NAT10: variants seen among roughly 807,000 people sequenced by gnomAD.
NAT10 encodes RNA cytidine acetyltransferase.
Under a neutral mutation model 132.2 loss-of-function variants are expected in NAT10, and 109 were observed. The observed-to-expected ratio is 0.82, with a 90% CI of 0.71 to 0.97. The LOEUF (loss-of-function observed/expected upper bound fraction) is 0.97, where lower values mean the gene tolerates loss of function less well. Ranked by LOEUF, NAT10 falls within the 50% of genes least tolerant of loss-of-function variation. The probability of loss-of-function intolerance (pLI) is 0.00; values close to 1 mark genes in which losing one functional copy is unlikely to be tolerated. For missense variants in NAT10, 1,184 were observed against 1,263.4 expected, an observed-to-expected ratio of 0.94 and a Z score of 0.95; for synonymous variants, 479 against 478.0, an observed-to-expected ratio of 1.00 and a Z score of -0.03.
intron 15 of NAT10, 55 bp downstream of exon 15, chr11:34,132,276 G>A: frequency 2.0e-5 from 28 of 1,403,186 alleles, no homozygotes; most frequent in Non-Finnish European, 2.8e-5. Context: ...GCATTTGGCA[G>A]TCCCCTTTTA....
Position 34,119,142 on chromosome 11 carries a change from G to A in NAT10, c.780+639G>A, listed in dbSNP as rs116053512. 3.3e-3 allele frequency among the ~76,000 whole-genome samples: 500 copies of A among 152,354 alleles called. 7 individuals are homozygous for A. The highest frequency in any genetic ancestry group is 0.012 in the African/African-American group (479 of 41,576). ...CCTGGTCTTTGAGTGCAAATAGCAG[G>A]CTGGGTGAGAGCTTACAGGTTGCAT... On this transcript the variant is annotated intron_variant, in intron 8 of 28. Coordinates refer to ENST00000257829, the MANE Select transcript of NAT10 (RefSeq NM_024662.3).
At chr11:34,119,927 G>A (rs978992602) in intron 8 of NAT10, among the ~76,000 whole-genome samples, 34 of 152,284 alleles carry the variant, frequency 2.2e-4, no homozygotes, top group African/African-American at 7.5e-4. Flanking sequence ...AATGGGTGTT[G>A]TACCAGTTGA....
chr11:34,137,635 A>G (rs1852241744), intron 21 of NAT10, among the ~76,000 whole-genome samples: 1 of 152,184 alleles, frequency 6.6e-6, no homozygotes, highest in Non-Finnish European at 1.5e-5. Context: ...TCGCACTTAG[A>G]GTAGCAATTG....
At chr11:34,125,353 A>G (rs1851968335) in intron 11 of NAT10, among the ~76,000 whole-genome samples, 1 of 152,110 alleles carries the variant, frequency 6.6e-6, no homozygotes, top group South Asian at 2.1e-4. Flanking sequence ...GAAGGAAAAC[A>G]TTTCCCTGAA....
At chr11:34,127,059 G>C (rs567992675) in intron 11 of NAT10, among the ~76,000 whole-genome samples, 1 of 152,142 alleles carries the variant, frequency 6.6e-6, no homozygotes, top group Non-Finnish European at 1.5e-5. Context: ...GGGGGAAAAC[G>C]TGAGGAGACA....
chr11:34,126,638 C>G (rs542509975), intron 11 of NAT10, among the ~76,000 whole-genome samples: 28 of 152,340 alleles, frequency 1.8e-4, no homozygotes, highest in Admixed American at 1.8e-3. Context: ...AAGACCTCAT[C>G]AACTCTGGAT....
chr11:34,123,534 G>A (rs1342208000), intron 9 of NAT10, among the ~76,000 whole-genome samples: 1 of 152,192 alleles, frequency 6.6e-6, no homozygotes, highest in Non-Finnish European at 1.5e-5. Flanking sequence ...CACACCGAGG[G>A]CGTTGTCTCC....
chr11:34,143,339 TCATGACA>T (rs1158890055), intron 27 of NAT10, 99 bp from the exon 28 acceptor site: 5 of 994,286 alleles, frequency 5.0e-6, no homozygotes, highest in Non-Finnish European at 7.5e-6. Flanking sequence ...AGCCTGGCTT[TCATGACA>T]GGAAGTGTCT....
Position 34,141,196 on chromosome 11 carries a change from C to A in NAT10, c.2700C>A (p.Arg900=). 6.2e-7 allele frequency: 1 copy of A among 1,613,992 alleles called. No individual in the cohort carries two copies. Among genetic ancestry groups the A allele is most frequent in the South Asian group, 1.1e-5 (1 of 91,062 alleles). Reference sequence around the variant, plus strand: ...TGGGACTTTTCAACCGGATCATCCGCAAAGTTGTGAAGGTAACCTCAGCCT... The same window carrying A: ...TGGGACTTTTCAACCGGATCATCCGAAAAGTTGTGAAGGTAACCTCAGCCT... ...QLMGLFNRII[R]KVVKLFNEVQ... Residue 900 remains arginine (R), a synonymous_variant, in exon 25 of 29, where the codon CGC becomes CGA. Coordinates refer to ENST00000257829, the MANE Select transcript of NAT10 (RefSeq NM_024662.3).
chr11:34,122,333 G>A, intron 8 of NAT10, 126 bp from the exon 9 acceptor site: 2 of 1,228,434 alleles, frequency 1.6e-6, no homozygotes, highest in East Asian at 4.7e-5. Flanking sequence ...AGTGCTTTCT[G>A]GCCTGCAAGA....
chr11:34,128,362 C>CAAAAAAAAAAAA (rs914837839), intron 12 of NAT10, among the ~76,000 whole-genome samples: 2 of 67,232 alleles, frequency 3.0e-5, no homozygotes, highest in Non-Finnish European at 3.5e-5. Flanking sequence ...AAAAACAAAA[C>CAAAAAAAAAAAA]AAAAAAAAAA....
Position 34,132,129 on chromosome 11 carries a change from TATGTTAATAGAG to T in NAT10, c.1528_1539del (p.Val510_Asp513del), listed in dbSNP as rs770621209. 1 of 1,612,544 alleles carries T rather than the reference TATGTTAATAGAG, an allele frequency of 6.2e-7. No individual in the cohort carries two copies. Among genetic ancestry groups the T allele is most frequent in the Non-Finnish European group, 8.5e-7 (1 of 1,178,544 alleles). On this transcript the variant is annotated inframe_deletion, in exon 15 of 29. Coordinates refer to ENST00000257829, the MANE Select transcript of NAT10 (RefSeq NM_024662.3). ...GTTTCTTAACTCCAGACCCAGGTAC[TATGTTAATAGAG>T]ATACCCTCTTTTGCTACCACAAGGC...
chr11:34,107,765 C>T (rs1194124935), intron 1 of NAT10, among the ~76,000 whole-genome samples: 1 of 152,184 alleles, frequency 6.6e-6, no homozygotes, highest in Non-Finnish European at 1.5e-5. Flanking sequence ...GTCCCAGCTA[C>T]CTGGGAGGTT....
At chr11:34,114,110 T>C (rs1851745471) in intron 5 of NAT10, among the ~76,000 whole-genome samples, 1 of 152,222 alleles carries the variant, frequency 6.6e-6, no homozygotes, top group African/African-American at 2.4e-5. Context: ...ACAGCTTTTA[T>C]GTAGTTAAAT....
chr11:34,112,821 G>T (rs1851718622), intron 4 of NAT10, among the ~76,000 whole-genome samples: 1 of 152,190 alleles, frequency 6.6e-6, no homozygotes, highest in Non-Finnish European at 1.5e-5. Flanking sequence ...GTAAGCACTG[G>T]TGGTCTTTGT....
chr11:34,130,475 A>C (rs1852085109), intron 12 of NAT10, among the ~76,000 whole-genome samples: 1 of 152,148 alleles, frequency 6.6e-6, no homozygotes. Flanking sequence ...TCCTTTTTCC[A>C]GTCCTTATTT....
intron 17 of NAT10, 45 bp from the exon 18 acceptor site, chr11:34,134,467 A>C (rs1244126465): frequency 1.2e-6 from 2 of 1,613,728 alleles, no homozygotes; most frequent in Non-Finnish European, 1.7e-6. Context: ...GTGGTGTCCA[A>C]AGATGTCTGT....
chr11:34,130,208 A>G (rs1029891257), intron 12 of NAT10, among the ~76,000 whole-genome samples: 5 of 152,206 alleles, frequency 3.3e-5, no homozygotes, highest in Non-Finnish European at 7.4e-5. Context: ...ATGAAAGCTG[A>G]TTGAGTTATC....
chr11:34,146,117 A>G lies in NAT10; in HGVS notation c.3003A>G (p.Glu1001=). The G allele has an allele frequency of 1.2e-6, 2 of 1,609,828 alleles. No homozygotes were observed. The highest frequency in any genetic ancestry group is 1.7e-6 in the Non-Finnish European group (2 of 1,178,748). Residue 1001 remains glutamate (E), a synonymous_variant, in exon 29 of 29, where the codon GAA becomes GAG. Coordinates refer to ENST00000257829, the MANE Select transcript of NAT10 (RefSeq NM_024662.3). ...DKKRKLEAKQ[E]PKQSKKLKNR... ...AAAGGAAGTTAGAGGCCAAACAAGAACCCAAACAGAGCAAGAAGTTGAAGA... is the reference window on the plus strand; with the variant it reads ...AAAGGAAGTTAGAGGCCAAACAAGAGCCCAAACAGAGCAAGAAGTTGAAGA...
Sources: allele counts gnomAD v4.1 joint callset (sites outside exome capture counted in the v4.1 genomes callset), GRCh38; gene constraint gnomAD v4.1.1; transcripts MANE v1.5; gene names NCBI Gene and HGNC (gene_info 2026-07-23, HGNC 2026-07-21).